Variants in ATE1 observed in about 807,000 individuals in gnomAD.
ATE1 encodes arginyl-tRNA--protein transferase 1.
In ATE1, 36 loss-of-function variants were observed where a neutral mutation model predicts 70.5. That is an observed-to-expected ratio of 0.51 (90% CI 0.39 to 0.67). The LOEUF (loss-of-function observed/expected upper bound fraction) is 0.67. ATE1 is among the 30% of genes least tolerant of loss of function. ATE1 has a pLI of 0.00. For synonymous variants in ATE1, 232 were observed against 219.3 expected (o/e 1.06, Z -0.51); for missense variants, 593 against 629.5 (o/e 0.94, Z 0.62).
chr10:121,826,768 CCT>C (rs752896445), intron 10 of ATE1, among the ~76,000 whole-genome samples: 1 of 152,152 alleles, frequency 6.6e-6, no homozygotes, highest in Non-Finnish European at 1.5e-5. Context: ...TGCCACCTTC[CCT>C]CTCTCCCCAC....
rs919822239 is a variant in ATE1, at chr10:121,827,452, G to A, written c.1257+9266C>T. Among the ~76,000 whole-genome samples the A allele has an allele frequency of 5.3e-5, 8 of 152,258 alleles. No individual in the cohort carries two copies. In the East Asian group the frequency reaches 1.2e-3, roughly 22 times the overall value. Reference sequence around the variant, plus strand: ...TGACCAAGAGGACCAGCACCACTGCGGACAGCAGCCAGAAAACCACACTAC... The same window carrying A: ...TGACCAAGAGGACCAGCACCACTGCAGACAGCAGCCAGAAAACCACACTAC... On this transcript the variant is annotated intron_variant, in intron 10 of 11. Coordinates refer to ENST00000224652, the MANE Select transcript of ATE1 (RefSeq NM_001001976.3).
At chr10:121,840,169 T>C (rs373571810) in intron 9 of ATE1, among the ~76,000 whole-genome samples, 5 of 152,212 alleles carry the variant, frequency 3.3e-5, no homozygotes, top group African/African-American at 1.2e-4. Flanking sequence ...TGCATACATA[T>C]GTTTGCAGCC....
chr10:121,892,841 A>G (rs74990837), intron 7 of ATE1, among the ~76,000 whole-genome samples: 1,752 of 152,310 alleles, frequency 0.012, 37 homozygotes, highest in African/African-American at 0.04. Flanking sequence ...TAAAAAGATC[A>G]GGGAGAGACA....
Position 121,845,309 on chromosome 10 carries a change from G to A in ATE1, c.976-4046C>T, listed in dbSNP as rs144038285. On this transcript the variant is annotated intron_variant, in intron 8 of 11. Coordinates refer to ENST00000224652, the MANE Select transcript of ATE1 (RefSeq NM_001001976.3). Reference sequence around the variant, plus strand: ...AGATGAAGCACAGGGACTTTTAGGTGGTGAAACTATTCTATATGATATTGC... The same window carrying A: ...AGATGAAGCACAGGGACTTTTAGGTAGTGAAACTATTCTATATGATATTGC... 7.5e-3 allele frequency among the ~76,000 whole-genome samples: 1,139 copies of A among 152,200 alleles called. 4 individuals carry two copies. The highest frequency in any genetic ancestry group is 0.041 in the Middle Eastern group (12 of 294).
intron 8 of ATE1, among the ~76,000 whole-genome samples, chr10:121,859,295 C>G (rs1309299741): frequency 6.8e-6 from 1 of 146,504 alleles, no homozygotes; most frequent in East Asian, 2.0e-4. Context: ...CTCAGTCTGT[C>G]GCCCAGGCTG....
chr10:121,888,850 C>T (rs568245799), intron 7 of ATE1, among the ~76,000 whole-genome samples: 5 of 152,210 alleles, frequency 3.3e-5, no homozygotes, highest in South Asian at 4.1e-4. Context: ...ACTCACACTA[C>T]CATAATGTTG....
intron 7 of ATE1, among the ~76,000 whole-genome samples, chr10:121,884,042 GTTGC>G (rs1950303499): frequency 7.7e-6 from 1 of 130,474 alleles, no homozygotes; most frequent in East Asian, 2.6e-4. Flanking sequence ...GGAGGCAGAG[GTTGC>G]AGTGAGCCGA....
chr10:121,821,305 T>C (rs546274513), intron 10 of ATE1, among the ~76,000 whole-genome samples: 13 of 152,280 alleles, frequency 8.5e-5, no homozygotes, highest in Non-Finnish European at 1.2e-4. Flanking sequence ...ACAAAAGCAT[T>C]ACCATAAAGA....
chr10:121,791,234 C>G (rs1486769940), intron 10 of ATE1, among the ~76,000 whole-genome samples: 1 of 151,672 alleles, frequency 6.6e-6, no homozygotes, highest in Non-Finnish European at 1.5e-5. Context: ...GCTGGGGTTA[C>G]TGGTGTATGC....
intron 3 of ATE1, among the ~76,000 whole-genome samples, chr10:121,914,277 G>A (rs1951555194): frequency 6.6e-6 from 1 of 152,002 alleles, no homozygotes; most frequent in Non-Finnish European, 1.5e-5. Flanking sequence ...ATGTTGGTCA[G>A]GCTGGTCTCA....
At chr10:121,847,188 C>T (rs184560667) in intron 8 of ATE1, among the ~76,000 whole-genome samples, 8 of 152,308 alleles carry the variant, frequency 5.3e-5, no homozygotes, top group African/African-American at 1.7e-4. Flanking sequence ...GTGTCTCACG[C>T]ATGTAATCCC....
intron 7 of ATE1, among the ~76,000 whole-genome samples, chr10:121,897,509 C>A (rs1413635981): frequency 1.3e-5 from 2 of 152,126 alleles, no homozygotes; most frequent in Non-Finnish European, 2.9e-5. Flanking sequence ...AAATGTGCAT[C>A]TGAATCCTTT....
intron 10 of ATE1, among the ~76,000 whole-genome samples, chr10:121,832,754 CG>C (rs1291233344): frequency 1.3e-5 from 2 of 152,110 alleles, no homozygotes; most frequent in African/African-American, 4.8e-5. Flanking sequence ...TTATCAGCAG[CG>C]TGAAAACGGA....
At chr10:121,861,603 GA>G (rs1319833170) in intron 8 of ATE1, among the ~76,000 whole-genome samples, 2 of 137,808 alleles carry the variant, frequency 1.5e-5, no homozygotes, top group East Asian at 2.2e-4. Context: ...GGGGTGGCGG[GA>G]GGGGGGAGGG....
chr10:121,900,048 G>A (rs2134293043), intron 6 of ATE1, 54 bp from the exon 7 acceptor site: 2 of 1,590,002 alleles, frequency 1.3e-6, no homozygotes, highest in Middle Eastern at 1.7e-4. Flanking sequence ...TATTCATTCT[G>A]TGGAATATGC....
chr10:121,788,266 G>C lies in ATE1; in HGVS notation c.1378+1903C>G, dbSNP rs570818134. On this transcript the variant is annotated intron_variant, in intron 11 of 11. Coordinates refer to ENST00000224652, the MANE Select transcript of ATE1 (RefSeq NM_001001976.3). ...TTTTTAAGCAACATATCTGATCAAT[G>C]AGGTGTAACTTTACTCAGAATGAAA... 2.6e-5 allele frequency among the ~76,000 whole-genome samples: 4 copies of C among 152,310 alleles called. No homozygotes were observed. The South Asian group carries it at 8.3e-4, about 32-fold the overall frequency.
rs1944144574 is a variant in ATE1, at chr10:121,741,453, A to T, written c.*2227T>A. Reference sequence around the variant, plus strand: ...TCAAGGAAAGCACAGTGGTTCACAGACAGGGATGATTCATCATTTTCCTCT... The same window carrying T: ...TCAAGGAAAGCACAGTGGTTCACAGTCAGGGATGATTCATCATTTTCCTCT... On this transcript the variant is annotated 3_prime_UTR_variant, in exon 12 of 12. Coordinates refer to ENST00000224652, the MANE Select transcript of ATE1 (RefSeq NM_001001976.3). 6.6e-6 allele frequency: 1 copy of T among 152,236 alleles called. No homozygotes were observed. The highest frequency in any genetic ancestry group is 2.1e-4 in the South Asian group (1 of 4,834). The allele number at this position is 152,236 out of a possible 1,614,324, so 9.4% of individuals were successfully genotyped here.
chr10:121,741,509 T>C lies in ATE1; in HGVS notation c.*2171A>G, dbSNP rs2135618489. On this transcript the variant is annotated 3_prime_UTR_variant, in exon 12 of 12. Coordinates refer to ENST00000224652, the MANE Select transcript of ATE1 (RefSeq NM_001001976.3). ...TGAATTCTGCAGGAAGAAACCAGAG[T>C]TGTGGTAAGATGTTGGAGTCAAGTT... The C allele has an allele frequency of 6.6e-6, 1 of 152,096 alleles. No homozygotes were observed. Among genetic ancestry groups the C allele is most frequent in the East Asian group, 1.9e-4 (1 of 5,174 alleles). 9.4% of individuals were successfully genotyped at this position (152,096 alleles called of 1,614,324 possible). A position where few individuals can be genotyped will look rare whatever the true frequency, so the allele number is the denominator to read the frequency against.
At chr10:121,882,833 T>G (rs901260538) in intron 7 of ATE1, among the ~76,000 whole-genome samples, 4 of 152,218 alleles carry the variant, frequency 2.6e-5, no homozygotes, top group African/African-American at 4.8e-5. Context: ...TAACATCCCA[T>G]TTCATGGTCT....
Sources: allele counts gnomAD v4.1 joint callset (sites outside exome capture counted in the v4.1 genomes callset), GRCh38; gene constraint gnomAD v4.1.1; transcripts MANE v1.5; gene names NCBI Gene and HGNC (gene_info 2026-07-23, HGNC 2026-07-21).